BRSK2: variants seen among roughly 807,000 people sequenced by gnomAD.
BRSK2 encodes serine/threonine-protein kinase BRSK2.
Under a neutral mutation model 83.3 loss-of-function variants are expected in BRSK2, and 19 were observed. That is an observed-to-expected ratio of 0.23 (90% CI 0.16 to 0.33). BRSK2 has a LOEUF of 0.33. Among genes scored for constraint, BRSK2 ranks in the 10% least tolerant of loss-of-function variants. The pLI is 1.00. For synonymous variants in BRSK2, 519 were observed against 435.4 expected, an observed-to-expected ratio of 1.19 and a Z score of -2.39; for missense variants, 798 against 1,042.3, an observed-to-expected ratio of 0.77 and a Z score of 3.23.
intron 1 of BRSK2, among the ~76,000 whole-genome samples, chr11:1,398,464 C>T (rs898267257): frequency 1.3e-5 from 2 of 152,154 alleles, no homozygotes; most frequent in East Asian, 3.9e-4. Context: ...ATGTCAGGCG[C>T]CTTGGCCCTG....
chr11:1,442,812 AGCCCTG>A (rs1242456934), intron 5 of BRSK2, among the ~76,000 whole-genome samples: 22 of 152,024 alleles, frequency 1.4e-4, no homozygotes, highest in African/African-American at 4.6e-4. Flanking sequence ...GTAGGGGTAC[AGCCCTG>A]GCCCTGGCCT....
intron 1 of BRSK2, among the ~76,000 whole-genome samples, chr11:1,424,822 CG>C (rs900889281): frequency 5.5e-5 from 7 of 128,364 alleles, no homozygotes; most frequent in Admixed American, 2.2e-4. Flanking sequence ...GACCTACTGG[CG>C]GGGGGGCAGG....
At chr11:1,405,159 T>G (rs1846781292) in intron 1 of BRSK2, among the ~76,000 whole-genome samples, 1 of 151,916 alleles carries the variant, frequency 6.6e-6, no homozygotes, top group African/African-American at 2.4e-5. Flanking sequence ...CGGGCCAGGC[T>G]GCCTCATCCA....
At chr11:1,414,411 G>C (rs975867205) in intron 1 of BRSK2, among the ~76,000 whole-genome samples, 6 of 152,182 alleles carry the variant, frequency 3.9e-5, no homozygotes, top group Admixed American at 3.3e-4. Context: ...GCATCACTGG[G>C]ATCCCAGGAT....
rs1284400190 is a variant in BRSK2, at chr11:1,423,736, C to A, written c.92-12304C>A. Among the ~76,000 whole-genome samples, 1 of 145,916 alleles carries A rather than the reference C, an allele frequency of 6.9e-6. No homozygotes were observed. The highest frequency in any genetic ancestry group is 6.8e-5 in the Admixed American group (1 of 14,812). ...TGGGCGTTCCGGGTGCCCCAGGCCT[C>A]CCCCGCTGGGCGTTCCGGGTGCCCC... On this transcript the variant is annotated intron_variant, in intron 1 of 19. Transcript: ENST00000528841. This position sits in a 1 kb window ranked among gnomAD's most constrained non-coding sequence, Gnocchi z 6.5.
intron 3 of BRSK2, among the ~76,000 whole-genome samples, chr11:1,440,004 C>T (rs777478468): frequency 3.3e-5 from 5 of 152,198 alleles, no homozygotes; most frequent in African/African-American, 1.2e-4. Flanking sequence ...CCAGTCCGCA[C>T]GGCAGCTCTG....
intron 1 of BRSK2, among the ~76,000 whole-genome samples, chr11:1,420,206 G>A (rs1221382395): frequency 6.6e-6 from 1 of 152,240 alleles, no homozygotes; most frequent in Non-Finnish European, 1.5e-5. Context: ...GGCAGGAAGT[G>A]GGGTGGCCTT....
chr11:1,392,394 C>A (rs1378533003), intron 1 of BRSK2, among the ~76,000 whole-genome samples: 1 of 152,216 alleles, frequency 6.6e-6, no homozygotes, highest in Non-Finnish European at 1.5e-5. Flanking sequence ...GCTTGGGGGG[C>A]CATTGGTGTG....
chr11:1,429,462 G>T (rs1482240795), intron 1 of BRSK2, among the ~76,000 whole-genome samples: 2 of 152,184 alleles, frequency 1.3e-5, no homozygotes, highest in Admixed American at 6.5e-5. Flanking sequence ...GTGCATGTCT[G>T]TGTGCGTGGC....
At chr11:1,404,145 C>T (rs1459755886) in intron 1 of BRSK2, among the ~76,000 whole-genome samples, 1 of 152,238 alleles carries the variant, frequency 6.6e-6, no homozygotes, top group Non-Finnish European at 1.5e-5. Flanking sequence ...CACACAGCAC[C>T]TCCAGCCTGG....
intron 1 of BRSK2, among the ~76,000 whole-genome samples, chr11:1,413,931 A>G (rs906779837): frequency 5.3e-5 from 8 of 152,200 alleles, no homozygotes; most frequent in African/African-American, 1.9e-4. Context: ...GCCCCGAGGA[A>G]AATGGGCTGC....
intron 1 of BRSK2, among the ~76,000 whole-genome samples, chr11:1,401,272 C>T (rs542556553): frequency 2.0e-5 from 3 of 152,368 alleles, no homozygotes; most frequent in South Asian, 2.1e-4. Context: ...AACTGATGCA[C>T]GGCTACCCTC....
chr11:1,414,724 C>T (rs1847909708), intron 1 of BRSK2, among the ~76,000 whole-genome samples: 1 of 152,222 alleles, frequency 6.6e-6, no homozygotes. Flanking sequence ...CCCAAGGGAC[C>T]CTGCGCCACA....
rs7397027 is a variant in BRSK2 at position 1,419,022 on chromosome 11, A to C, written c.92-17018A>C. 2.2e-4 allele frequency among the ~76,000 whole-genome samples: 34 copies of C among 152,334 alleles called. No individual in the cohort carries two copies. The East Asian group carries it at 6.5e-3, about 29-fold the overall frequency. ...ATCGGTTGATTGATTGAATGCAGCA[A>C]GTGTCTGGGAGCTCCCAGTTACAGG... is the stretch of plus-strand genomic sequence containing the variant. On this transcript the variant is annotated intron_variant, in intron 1 of 19. Coordinates refer to ENST00000528841, the MANE Select transcript of BRSK2 (RefSeq NM_001256627.2).
chr11:1,454,546 G>A lies in BRSK2; in HGVS notation c.1606G>A (p.Val536Met), dbSNP rs751810457. The change falls in exon 16 of 20, where the codon GTG becomes ATG. Residue 536 changes from valine (V) to methionine (M), a missense_variant. Around this residue, in one of 6 missense-constraint regions of BRSK2, gnomAD observed 455 missense variants for 455.2 expected, o/e 1.00. Coordinates refer to ENST00000528841, the MANE Select transcript of BRSK2 (RefSeq NM_001256627.2). This position sits in a 1 kb window ranked among gnomAD's most constrained non-coding sequence, Gnocchi z 5.2. ...CCTGGAGAAGGAGGAGCAGATCTTCGTGGTCATCAAAGACAAACCTCTGAG... is the reference window on the plus strand; with the variant it reads ...CCTGGAGAAGGAGGAGCAGATCTTCATGGTCATCAAAGACAAACCTCTGAG... ...ISLEKEEQIF[V>M]VIKDKPLSSI... The A allele has an allele frequency of 2.3e-5, 37 of 1,613,142 alleles. No individual in the cohort carries two copies. Among genetic ancestry groups the A allele is most frequent in the South Asian group, 1.2e-4 (11 of 91,070 alleles).
At chr11:1,417,960 G>A (rs1189940404) in intron 1 of BRSK2, among the ~76,000 whole-genome samples, 1 of 148,392 alleles carries the variant, frequency 6.7e-6, no homozygotes. Context: ...GTTCTCCTGT[G>A]TCCTGCTTCT....
At position 1,456,678 on chromosome 11, in the gene BRSK2, C is replaced by T. The variant is rs765226907; in HGVS notation, c.1930C>T (p.His644Tyr). 2 of 1,603,882 alleles carry T rather than the reference C, an allele frequency of 1.2e-6. No individual in the cohort carries two copies. Among genetic ancestry groups the T allele is most frequent in the South Asian group, 2.2e-5 (2 of 89,264 alleles). ...CACACACGACCCGCCTGCGGCCCAG[C>T]ACTTGTCAGGTGAGGCGGGCTCAGC... is the stretch of plus-strand genomic sequence containing the variant. The part of the protein sequence containing the change: ...LSTHDPPAAQ[H>Y]LSDTTNCMEM... Residue 644 changes from histidine (H) to tyrosine (Y), a missense_variant, in exon 18 of 20, where the codon CAC (histidine) becomes TAC (tyrosine). By Grantham distance (83) the His-to-Tyr change is moderately conservative. This residue lies in a region of BRSK2 where 455 missense variants were observed against 455.2 expected (regional missense o/e 1.00). Transcript: ENST00000528841.
chr11:1,411,172 C>T (rs1052280240), intron 1 of BRSK2: 7 of 1,229,864 alleles, frequency 5.7e-6, no homozygotes, highest in Non-Finnish European at 7.1e-6. Flanking sequence ...TGGCTAGTTC[C>T]TCCTTCCTGG....
intron 15 of BRSK2, among the ~76,000 whole-genome samples, chr11:1,453,648 A>G (rs1161854891): frequency 6.6e-6 from 1 of 152,226 alleles, no homozygotes; most frequent in African/African-American, 2.4e-5. Flanking sequence ...CCGAGGAGGC[A>G]GCTCCAGGAA....
Sources: allele counts gnomAD v4.1 joint callset (sites outside exome capture counted in the v4.1 genomes callset), GRCh38; gene constraint gnomAD v4.1.1; regional missense constraint gnomAD v4.1.1; non-coding constraint Gnocchi (gnomAD v3.1); transcripts MANE v1.5; gene names NCBI Gene and HGNC (gene_info 2026-07-23, HGNC 2026-07-21).